Variants in NEGR1 observed in about 807,000 individuals in gnomAD.
The protein encoded by NEGR1 is neuronal growth regulator 1, also known as IgLON family member 4.
A neutral mutation model predicts 40.9 loss-of-function variants in NEGR1; 10 were observed. That is an observed-to-expected ratio of 0.24 (90% CI 0.15 to 0.42). The LOEUF is 0.42. Ranked by LOEUF, NEGR1 falls within the 10% of genes least tolerant of loss-of-function variation. The probability of loss-of-function intolerance (pLI) is 1.00; values close to 1 mark genes in which losing one functional copy is unlikely to be tolerated. For synonymous variants in NEGR1, 185 were observed against 166.8 expected (o/e 1.11, Z -0.84); for missense variants, 352 against 438.9 (o/e 0.80, Z 1.77).
At chr1:72,087,412 C>T (rs1015806425) in intron 1 of NEGR1, among the ~76,000 whole-genome samples, 1 of 151,052 alleles carries the variant, frequency 6.6e-6, no homozygotes, top group Non-Finnish European at 1.5e-5. Context: ...GCTTGGGCGA[C>T]AGAGTGAGAT....
intron 2 of NEGR1, among the ~76,000 whole-genome samples, chr1:71,781,504 G>A (rs1193007427): frequency 1.3e-5 from 2 of 152,166 alleles, no homozygotes; most frequent in Admixed American, 6.5e-5. Flanking sequence ...AAGAGTCCGT[G>A]AAAGACCACA....
chr1:71,803,984 C>T (rs918827688), intron 2 of NEGR1, among the ~76,000 whole-genome samples: 1 of 151,704 alleles, frequency 6.6e-6, no homozygotes, highest in Non-Finnish European at 1.5e-5. Flanking sequence ...CATATTTGTA[C>T]TTCTAAGGCC....
chr1:72,166,480 C>T (rs1028231457), intron 1 of NEGR1, among the ~76,000 whole-genome samples: 12 of 152,256 alleles, frequency 7.9e-5, no homozygotes, highest in African/African-American at 2.9e-4. Context: ...TCTGCACTCT[C>T]ATGTTCATTG....
chr1:72,254,253 C>A (rs1655192727), intron 1 of NEGR1, among the ~76,000 whole-genome samples: 1 of 152,218 alleles, frequency 6.6e-6, no homozygotes, highest in Non-Finnish European at 1.5e-5. Flanking sequence ...CCTAGTAGAA[C>A]TGTATGTATT....
At chr1:71,678,580 C>A (rs957105965) in intron 4 of NEGR1, among the ~76,000 whole-genome samples, 1 of 152,056 alleles carries the variant, frequency 6.6e-6, no homozygotes, top group Non-Finnish European at 1.5e-5. Context: ...AATGGCTACA[C>A]CAAAGTATTC....
chr1:71,818,924 T>C (rs1042038833), intron 2 of NEGR1, among the ~76,000 whole-genome samples: 5 of 151,970 alleles, frequency 3.3e-5, no homozygotes, highest in Admixed American at 3.3e-4. Context: ...AAAGTACCTA[T>C]GTGGCTCACA....
chr1:71,410,697 T>G (rs1285413446), intron 6 of NEGR1, among the ~76,000 whole-genome samples: 1 of 152,146 alleles, frequency 6.6e-6, no homozygotes, highest in East Asian at 1.9e-4. Flanking sequence ...TATGCAACCT[T>G]ATTCCCACTG....
chr1:71,437,350 T>C (rs1191408259), intron 6 of NEGR1, among the ~76,000 whole-genome samples: 1 of 152,142 alleles, frequency 6.6e-6, no homozygotes, highest in African/African-American at 2.4e-5. Flanking sequence ...TGGTGATGGT[T>C]GCACAACTCT....
chr1:72,080,387 A>T (rs1162273937), intron 1 of NEGR1, among the ~76,000 whole-genome samples: 1 of 152,030 alleles, frequency 6.6e-6, no homozygotes, highest in African/African-American at 2.4e-5. Context: ...TTATTTAATG[A>T]TTTTTATGTT....
In NEGR1 at chr1:71,404,453, C is replaced by T. The variant is rs982700438; in HGVS notation, c.*2993G>A. 2.0e-5 allele frequency: 3 copies of T among 151,910 alleles called. No individual in the cohort carries two copies. The highest frequency in any genetic ancestry group is 4.4e-5 in the Non-Finnish European group (3 of 67,652). 9.4% of individuals were successfully genotyped at this position (151,910 alleles called of 1,614,324 possible). A position where few individuals can be genotyped will look rare whatever the true frequency, so the allele number is the denominator to read the frequency against. On this transcript the variant is annotated 3_prime_UTR_variant, in exon 7 of 7. Coordinates refer to ENST00000357731, the MANE Select transcript of NEGR1 (RefSeq NM_173808.3). ...GCGATCATTGAAAAACGTAGTTACA[C>T]CACTTGCAGTTAAACTAAGAATGCA...
chr1:71,883,924 A>G (rs1660652945), intron 2 of NEGR1, among the ~76,000 whole-genome samples: 1 of 152,120 alleles, frequency 6.6e-6, no homozygotes, highest in South Asian at 2.1e-4. Context: ...TAGAAACGAA[A>G]ATATTTAAAC....
chr1:71,804,661 T>G (rs1657688071), intron 2 of NEGR1, among the ~76,000 whole-genome samples: 1 of 152,240 alleles, frequency 6.6e-6, no homozygotes, highest in Admixed American at 6.5e-5. Context: ...CCTTGTGATT[T>G]CCTATGCCTG....
intron 6 of NEGR1, among the ~76,000 whole-genome samples, chr1:71,545,999 T>C (rs1434485710): frequency 2.6e-5 from 4 of 151,766 alleles, no homozygotes; most frequent in East Asian, 3.9e-4. Context: ...CAAATGGTTA[T>C]ATCTGTGGAA....
intron 2 of NEGR1, among the ~76,000 whole-genome samples, chr1:71,813,821 G>T (rs940449649): frequency 6.6e-6 from 1 of 152,098 alleles, no homozygotes; most frequent in African/African-American, 2.4e-5. Flanking sequence ...ATCAGCTTAA[G>T]AAGCTTCTGG....
At chr1:71,732,040 G>T (rs192267917) in intron 3 of NEGR1, among the ~76,000 whole-genome samples, 1 of 152,104 alleles carries the variant, frequency 6.6e-6, no homozygotes, top group East Asian at 1.9e-4. Context: ...ATTTCGGGCC[G>T]GGAGTGATGG....
intron 1 of NEGR1, among the ~76,000 whole-genome samples, chr1:72,232,197 T>C (rs958515986): frequency 6.6e-6 from 1 of 151,542 alleles, no homozygotes; most frequent in Non-Finnish European, 1.5e-5. Flanking sequence ...CTACCAAAAA[T>C]ACAAAAAAAA....
At chr1:72,072,080 C>G (rs530490919) in intron 1 of NEGR1, among the ~76,000 whole-genome samples, 1 of 152,226 alleles carries the variant, frequency 6.6e-6, no homozygotes, top group South Asian at 2.1e-4. Flanking sequence ...ATAGACTTTC[C>G]TACTTCCACA....
At chr1:71,522,099 CAT>C (rs1647161338) in intron 6 of NEGR1, among the ~76,000 whole-genome samples, 1 of 151,946 alleles carries the variant, frequency 6.6e-6, no homozygotes, top group African/African-American at 2.4e-5. Context: ...GGTGCACACA[CAT>C]GTCCTTGGTT....
intron 1 of NEGR1, among the ~76,000 whole-genome samples, chr1:72,015,464 T>C (rs561261081): frequency 6.6e-6 from 1 of 152,264 alleles, no homozygotes; most frequent in South Asian, 2.1e-4. Flanking sequence ...CTTTAAGTTA[T>C]GTACAACTTT....
Sources: allele counts gnomAD v4.1 joint callset (sites outside exome capture counted in the v4.1 genomes callset), GRCh38; gene constraint gnomAD v4.1.1; transcripts MANE v1.5; gene names NCBI Gene and HGNC (gene_info 2026-07-23, HGNC 2026-07-21).